The following KCNK9 variants were observed in gnomAD, a reference collection of about 807,000 sequenced individuals.
KCNK9 encodes potassium channel subfamily K member 9.
A neutral mutation model predicts 10.8 loss-of-function variants in KCNK9; 1 was observed. The ratio of observed to expected loss-of-function variants is 0.09; its 90% confidence interval spans 0.03 to 0.44. The LOEUF is 0.44. Ranked by LOEUF, KCNK9 falls within the 20% of genes least tolerant of loss-of-function variation. KCNK9 has a pLI of 0.97. For synonymous variants in KCNK9, 231 were observed against 222.7 expected (o/e 1.04, Z -0.33); for missense variants, 303 against 515.0 (o/e 0.59, Z 3.98).
chr8:139,685,537 G>A (rs1816772019), intron 1 of KCNK9, among the ~76,000 whole-genome samples: 2 of 152,142 alleles, frequency 1.3e-5, no homozygotes, highest in Admixed American at 1.3e-4. Context: ...GCGATGTTTG[G>A]TTTTCTGTCC....
intron 1 of KCNK9, among the ~76,000 whole-genome samples, chr8:139,647,210 G>A (rs940214481): frequency 1.3e-5 from 2 of 152,214 alleles, no homozygotes; most frequent in African/African-American, 4.8e-5. Context: ...AGAAGGCATG[G>A]AGGAGCCAGG....
At position 139,618,410 on chromosome 8, in the gene KCNK9, G is replaced by C. The variant is rs151238884; in HGVS notation, c.973C>G (p.His325Asp). Residue 325 changes from histidine to aspartate, a missense_variant, in exon 2 of 2, where the codon CAC (histidine) becomes GAC (aspartate). Transcript: ENST00000520439. This position sits in a 1 kb window ranked among gnomAD's most constrained non-coding sequence, Gnocchi z 7.9. ...QNSFSAKLAP[H>D]YFHSISYKIE... ...TTGTAAGAGATGGAGTGGAAGTAGT[G>C]GGGGGCAAGCTTGGCGCTGAAGGAG... 109 of 1,614,190 alleles carry C rather than the reference G, an allele frequency of 6.8e-5. No individual in the cohort carries two copies. The highest frequency in any genetic ancestry group is 9.1e-5 in the Non-Finnish European group (107 of 1,180,046).
At chr8:139,615,755 T>C (rs1301388267), downstream of KCNK9, 2 of 152,002 alleles carry the variant, frequency 1.3e-5, no homozygotes, top group Non-Finnish European at 2.9e-5. Context: ...CTATAATCCT[T>C]AATCCTGTAG....
At chr8:139,644,724 C>CGA (rs879693608) in intron 1 of KCNK9, among the ~76,000 whole-genome samples, 1 of 150,478 alleles carries the variant, frequency 6.6e-6, no homozygotes, top group African/African-American at 2.5e-5. Context: ...GTCCCCCCCC[C>CGA]CCAGAGCCTC....
At chr8:139,628,964 A>T (rs1661063894) in intron 1 of KCNK9, among the ~76,000 whole-genome samples, 1 of 151,814 alleles carries the variant, frequency 6.6e-6, no homozygotes, top group South Asian at 2.1e-4. Context: ...TCCCTGGTTG[A>T]CCCATGGTTA....
chr8:139,625,708 G>T (rs547364228), intron 1 of KCNK9, among the ~76,000 whole-genome samples: 1 of 148,008 alleles, frequency 6.8e-6, no homozygotes, highest in African/African-American at 2.5e-5. Context: ...CTCTGCTGCA[G>T]CTGGCTAACA....
intron 1 of KCNK9, among the ~76,000 whole-genome samples, chr8:139,619,321 G>A (rs1586633920): frequency 6.6e-6 from 1 of 152,158 alleles, no homozygotes; most frequent in Admixed American, 6.5e-5. Flanking sequence ...ATGGCAGGGG[G>A]GTAGGAACAT....
intron 1 of KCNK9, among the ~76,000 whole-genome samples, chr8:139,676,659 C>G (rs557867843): frequency 6.6e-6 from 1 of 152,258 alleles, no homozygotes; most frequent in African/African-American, 2.4e-5. Flanking sequence ...GCACAAAATA[C>G]GTGAATCATG....
At chr8:139,628,515 G>A (rs746903673) in intron 1 of KCNK9, among the ~76,000 whole-genome samples, 1 of 152,190 alleles carries the variant, frequency 6.6e-6, no homozygotes, top group African/African-American at 2.4e-5. Flanking sequence ...GGCAGGGCAT[G>A]GCCCCCTCGT....
chr8:139,615,063 T>C (rs11987964), downstream of KCNK9, among the ~76,000 whole-genome samples: 2,856 of 152,206 alleles, frequency 0.019, 90 homozygotes, highest in African/African-American at 0.064. Flanking sequence ...TGAAAATCAC[T>C]TGGATGAAAG....
At chr8:139,630,893 C>G (rs545933052) in intron 1 of KCNK9, among the ~76,000 whole-genome samples, 1 of 152,358 alleles carries the variant, frequency 6.6e-6, no homozygotes, top group African/African-American at 2.4e-5. Context: ...GGTCATCCAT[C>G]CCCCAAGTAA....
At chr8:139,687,461 C>CAT (rs1380086135) in intron 1 of KCNK9, among the ~76,000 whole-genome samples, 1 of 133,786 alleles carries the variant, frequency 7.5e-6, no homozygotes, top group Non-Finnish European at 1.6e-5. Context: ...CATATATATT[C>CAT]ATATATTCAT....
At chr8:139,683,268 G>C (rs1231530772) in intron 1 of KCNK9, among the ~76,000 whole-genome samples, 1 of 152,144 alleles carries the variant, frequency 6.6e-6, no homozygotes, top group African/African-American at 2.4e-5. Context: ...AAGCCAGGCA[G>C]AGAAGGAAGC....
chr8:139,658,670 G>A (rs1392799215), intron 1 of KCNK9, among the ~76,000 whole-genome samples: 2 of 152,322 alleles, frequency 1.3e-5, no homozygotes, highest in South Asian at 2.1e-4. Flanking sequence ...TCACAAACCA[G>A]ATGTGTCCTC....
intron 1 of KCNK9, among the ~76,000 whole-genome samples, chr8:139,664,630 G>A (rs535356331): frequency 6.6e-6 from 1 of 152,296 alleles, no homozygotes; most frequent in East Asian, 1.9e-4. Flanking sequence ...CACAGACAGG[G>A]CACAGACCCC....
At position 139,618,777 on chromosome 8, in the gene KCNK9, G is replaced by A. The variant is rs1391614462; in HGVS notation, c.606C>T (p.Phe202=). The A allele has an allele frequency of 4.3e-6, 7 of 1,614,046 alleles. No individual in the cohort carries two copies. The African/African-American group carries it at 6.7e-5, about 15-fold the overall frequency. ...TGGTCTGCAGGGCCACGTAGTCCCC[G>A]AACCCAATGGTAGTCAACGTGATGA... ...YCFITLTTIG[F]GDYVALQTKG... The change falls in exon 2 of 2, where the codon TTC becomes TTT. Residue 202 remains phenylalanine (F), a synonymous_variant. Coordinates refer to ENST00000520439, the MANE Select transcript of KCNK9 (RefSeq NM_001282534.2). This position sits in a 1 kb window ranked among gnomAD's most constrained non-coding sequence, Gnocchi z 7.9.
intron 1 of KCNK9, among the ~76,000 whole-genome samples, chr8:139,699,475 A>C (rs1447908155): frequency 6.6e-6 from 1 of 152,186 alleles, no homozygotes; most frequent in African/African-American, 2.4e-5. Flanking sequence ...ACTACAGGGT[A>C]CCTACGAGGG....
At chr8:139,629,662 G>T (rs1815098704) in intron 1 of KCNK9, among the ~76,000 whole-genome samples, 1 of 151,952 alleles carries the variant, frequency 6.6e-6, no homozygotes, top group Non-Finnish European at 1.5e-5. Context: ...CTGGAGCCTA[G>T]AACTCCACAA....
At chr8:139,606,444 G>A (rs1342209390) in intron 2 of KCNK9, among the ~76,000 whole-genome samples, 1 of 152,162 alleles carries the variant, frequency 6.6e-6, no homozygotes, top group East Asian at 1.9e-4. Context: ...ACATACCCCA[G>A]ATGGATGCAC....
Sources: gnomAD v4.1 joint callset for allele counts (sites outside exome capture counted in the v4.1 genomes callset) on GRCh38, gnomAD v4.1.1 for gene constraint, Gnocchi (gnomAD v3.1) non-coding constraint, MANE v1.5 for transcripts, NCBI Gene and HGNC (gene_info 2026-07-23, HGNC 2026-07-21) for gene names.